The following TSBP1 variants were observed in gnomAD, a reference collection of about 807,000 sequenced individuals.
The protein encoded by TSBP1 is testis expressed basic protein 1.
In TSBP1, 56 loss-of-function variants were observed where a neutral mutation model predicts 68.8. That is an observed-to-expected ratio of 0.81 (90% CI 0.66 to 1.02). The LOEUF is 1.02. Among genes scored for constraint, TSBP1 ranks in the 50% least tolerant of loss-of-function variants. The pLI, the probability that TSBP1 is intolerant of heterozygous loss-of-function variation, is 0.00. For synonymous variants in TSBP1, 171 were observed against 208.7 expected (o/e 0.82, Z 1.56); for missense variants, 502 against 641.2 (o/e 0.78, Z 2.34).
chr6:32,359,020 A>C, intron 6 of TSBP1, among the ~76,000 whole-genome samples: 3 of 148,170 alleles, frequency 2.0e-5, no homozygotes, highest in African/African-American at 2.5e-5. Context: ...TGCACCCACT[A>C]ACTCGTCATC....
At chr6:32,339,904 G>C (rs547342849) in intron 9 of TSBP1, among the ~76,000 whole-genome samples, 6 of 152,296 alleles carry the variant, frequency 3.9e-5, no homozygotes, top group African/African-American at 1.4e-4. Context: ...GAAAAATCAG[G>C]AGTAATAACA....
chr6:32,293,375 G>T (rs1562043126), exon 23 of TSBP1: 1 of 1,612,654 alleles, frequency 6.2e-7, no homozygotes, highest in Non-Finnish European at 8.5e-7. Flanking sequence ...TGGCACATCT[G>T]CCTCAGTCTT....
intron 19 of TSBP1, among the ~76,000 whole-genome samples, chr6:32,309,665 C>T (rs1276554628): frequency 1.3e-5 from 2 of 152,158 alleles, no homozygotes. Flanking sequence ...TTGGTACACT[C>T]ATACAATGTG....
chr6:32,370,317 C>T (rs1330181669), intron 1 of TSBP1, among the ~76,000 whole-genome samples: 1 of 150,602 alleles, frequency 6.6e-6, no homozygotes. Context: ...CAGTGGTCTA[C>T]GAAGCTATCC....
At chr6:32,298,074 T>A (rs951026765) in intron 22 of TSBP1, among the ~76,000 whole-genome samples, 1 of 152,110 alleles carries the variant, frequency 6.6e-6, no homozygotes, top group Non-Finnish European at 1.5e-5. Context: ...TGGCCTGTGA[T>A]CCCTTCTCAG....
Position 32,329,081 on chromosome 6 carries a change from G to C in TSBP1, c.514+1508C>G, listed in dbSNP as rs868058682. Among the ~76,000 whole-genome samples, 46 of 152,174 alleles carry C rather than the reference G, an allele frequency of 3.0e-4. 1 individual carries two copies. The highest frequency in any genetic ancestry group is 1.1e-3 in the African/African-American group (45 of 41,526). ...GGGCTGTTGCGAGCCACTAATTTTT[G>C]TTAAAGTCATTTAAATTTTAATCAG... On this transcript the variant is annotated intron_variant, in intron 16 of 22. Coordinates refer to ENST00000612031, the Ensembl canonical transcript of TSBP1.
chr6:32,351,355 T>A (rs1027366184), intron 8 of TSBP1, among the ~76,000 whole-genome samples: 4 of 152,158 alleles, frequency 2.6e-5, no homozygotes, highest in African/African-American at 9.6e-5. Context: ...TTAGTTAAGA[T>A]GAATTTGAGT....
chr6:32,357,127 C>G lies in TSBP1; in HGVS notation c.218-1458G>C, dbSNP rs1056887261. Among the ~76,000 whole-genome samples the G allele has an allele frequency of 8.5e-5, 13 of 152,120 alleles. No individual in the cohort carries two copies. The highest frequency in any genetic ancestry group is 2.9e-4 in the African/African-American group (12 of 41,496). On this transcript the variant is annotated intron_variant, in intron 6 of 22. Coordinates refer to ENST00000612031, the Ensembl canonical transcript of TSBP1. The surrounding 1 kb of genome is among the most constrained non-coding windows in gnomAD (Gnocchi z 4.7). ...GTGGGAACCTAGAAACTTAGGATGA[C>G]TGAGATTTATAGGTTATGTTAGGGG...
chr6:32,310,156 A>C (rs2127574483), intron 19 of TSBP1, among the ~76,000 whole-genome samples: 1 of 152,234 alleles, frequency 6.6e-6, no homozygotes, highest in South Asian at 2.1e-4. Context: ...TCTAGTGTTA[A>C]CATGATTTTT....
intron 2 of TSBP1, among the ~76,000 whole-genome samples, chr6:32,369,583 C>A (rs952490820): frequency 5.3e-5 from 8 of 152,146 alleles, no homozygotes; most frequent in Non-Finnish European, 1.2e-4. Context: ...TTTGGTCAGG[C>A]TGGTCTTGAA....
Position 32,335,358 on chromosome 6 carries a change from T to C in TSBP1, c.472+79A>G. 7.4e-7 allele frequency: 1 copy of C among 1,346,614 alleles called. No homozygotes were observed. The highest frequency in any genetic ancestry group is 9.9e-7 in the Non-Finnish European group (1 of 1,009,196). 83.4% of individuals were successfully genotyped at this position (1,346,614 alleles called of 1,614,324 possible). ...GACTTGATCCTTGAGTCCTTGGGCA[T>C]GAATAATTGAAATAAAAATAGATTG... is the stretch of plus-strand genomic sequence containing the variant. On this transcript the variant is annotated intron_variant, in intron 14 of 22. Coordinates refer to ENST00000612031, the Ensembl canonical transcript of TSBP1. The surrounding 1 kb of genome is among the most constrained non-coding windows in gnomAD (Gnocchi z 5.5).
At chr6:32,300,542 A>G in intron 21 of TSBP1, 138 bp downstream of exon 24, 1 of 733,662 alleles carries the variant, frequency 1.4e-6, no homozygotes, top group Non-Finnish European at 2.4e-6. Context: ...TTAAAATTGA[A>G]ATATGAGGAA....
At chr6:32,371,208 T>C (rs1774384086) in intron 1 of TSBP1, among the ~76,000 whole-genome samples, 2 of 152,128 alleles carry the variant, frequency 1.3e-5, no homozygotes, top group African/African-American at 4.8e-5. Context: ...AAATAACTCA[T>C]CGGGGAGGAA....
exon 23 of TSBP1, chr6:32,293,977 C>G (rs918064003): frequency 6.2e-7 from 1 of 1,612,260 alleles, no homozygotes; most frequent in African/African-American, 1.3e-5. Context: ...ATTTTAGAAT[C>G]TGGATTTTGG....
intron 20 of TSBP1, among the ~76,000 whole-genome samples, chr6:32,301,059 G>T (rs1222761944): frequency 1.3e-5 from 2 of 151,966 alleles, no homozygotes; most frequent in East Asian, 3.9e-4. Flanking sequence ...TTGAGACAGG[G>T]TCTCAGTCTC....
intron 8 of TSBP1, among the ~76,000 whole-genome samples, chr6:32,352,131 G>T (rs572754489): frequency 5.9e-5 from 9 of 152,028 alleles, no homozygotes; most frequent in Admixed American, 1.3e-4. Flanking sequence ...TTGTATTTGG[G>T]CAAGAAATAG....
chr6:32,336,731 G>C lies in TSBP1; in HGVS notation c.410-96C>G, dbSNP rs1046241570. 2.7e-6 allele frequency: 3 copies of C among 1,130,376 alleles called. No homozygotes were observed. Among genetic ancestry groups the C allele is most frequent in the Non-Finnish European group, 4.0e-6 (3 of 755,214 alleles). The allele number at this position is 1,130,376 out of a possible 1,614,324, so 70.0% of individuals were successfully genotyped here. On this transcript the variant is annotated intron_variant, in intron 11 of 22. Transcript: ENST00000612031. This position sits in a 1 kb window ranked among gnomAD's most constrained non-coding sequence, Gnocchi z 5.2. ...AAGAAACTATGAAGCAATTCAACCA[G>C]AGGAGAACAACTACTGTGGGACTGC...
intron 15 of TSBP1, among the ~76,000 whole-genome samples, chr6:32,331,696 C>A (rs1296107002): frequency 1.6e-4 from 24 of 152,120 alleles, no homozygotes; most frequent in Non-Finnish European, 5.9e-5. Flanking sequence ...ATCCTGCCGG[C>A]CAGCAAGCCA....
rs1333177217 is a variant in TSBP1 at position 32,316,730 on chromosome 6, C to G, written c.560-938G>C. 6.6e-6 allele frequency among the ~76,000 whole-genome samples: 1 copy of G among 152,112 alleles called. No individual in the cohort carries two copies. Among genetic ancestry groups the G allele is most frequent in the Non-Finnish European group, 1.5e-5 (1 of 68,022 alleles). On this transcript the variant is annotated intron_variant, in intron 18 of 22. Coordinates refer to ENST00000612031, the Ensembl canonical transcript of TSBP1. The surrounding 1 kb of genome is among the most constrained non-coding windows in gnomAD (Gnocchi z 4.5). ...ATCATGTAAATGTAAGCTTCCTTCT[C>G]AGGGAGAAGCTAGATTAGCAGAGGG...
Sources: gnomAD v4.1 joint callset for allele counts (sites outside exome capture counted in the v4.1 genomes callset) on GRCh38, gnomAD v4.1.1 for gene constraint, Gnocchi (gnomAD v3.1) non-coding constraint, MANE v1.5 for transcripts, NCBI Gene and HGNC (gene_info 2026-07-23, HGNC 2026-07-21) for gene names.